Variants in PHTF2 observed in about 807,000 individuals in gnomAD.
The protein encoded by PHTF2 is protein PHTF2.
Under a neutral mutation model 101.2 loss-of-function variants are expected in PHTF2, and 60 were observed. The observed-to-expected ratio is 0.59, with a 90% CI of 0.48 to 0.73. PHTF2 has a LOEUF of 0.73. Among genes scored for constraint, PHTF2 ranks in the 30% least tolerant of loss-of-function variants. PHTF2 has a pLI of 0.00. For synonymous variants in PHTF2, 311 were observed against 307.3 expected (o/e 1.01, Z -0.13); for missense variants, 747 against 908.7 (o/e 0.82, Z 2.29).
intron 3 of PHTF2, among the ~76,000 whole-genome samples, chr7:77,877,951 G>A (rs1017215912): frequency 3.3e-5 from 5 of 152,162 alleles, no homozygotes; most frequent in African/African-American, 1.2e-4. Flanking sequence ...TTGGGGGAAG[G>A]GGATGTGCAG....
At chr7:77,876,954 G>A (rs145982563) in intron 3 of PHTF2, among the ~76,000 whole-genome samples, 1 of 152,120 alleles carries the variant, frequency 6.6e-6, no homozygotes, top group African/African-American at 2.4e-5. Flanking sequence ...AAATTGTGTG[G>A]GTTTGGCTCT....
exon 2 of PHTF2, chr7:77,840,242 T>C: frequency 6.3e-7 from 1 of 1,599,028 alleles, no homozygotes; most frequent in Non-Finnish European, 8.6e-7. Context: ...CAATGTGTGA[T>C]TTCAGTGGAA....
chr7:77,949,957 T>A, intron 17 of PHTF2, 124 bp downstream of exon 16: 1 of 517,804 alleles, frequency 1.9e-6, no homozygotes, highest in Non-Finnish European at 3.3e-6. Flanking sequence ...AAGCAAAATG[T>A]AAAATTTAAT....
At chr7:77,896,316 G>C (rs2150811093) in intron 5 of PHTF2, among the ~76,000 whole-genome samples, 1 of 152,226 alleles carries the variant, frequency 6.6e-6, no homozygotes, top group Non-Finnish European at 1.5e-5. Context: ...CAACACTTTA[G>C]GAGGCCCAGG....
intron 7 of PHTF2, among the ~76,000 whole-genome samples, chr7:77,906,985 C>T (rs940691031): frequency 1.4e-5 from 2 of 147,320 alleles, no homozygotes; most frequent in South Asian, 2.2e-4. Context: ...TATACATTTA[C>T]GGTGTATAAG....
intron 11 of PHTF2, among the ~76,000 whole-genome samples, chr7:77,926,091 G>A (rs1803975640): frequency 6.6e-6 from 1 of 151,730 alleles, no homozygotes; most frequent in Admixed American, 6.6e-5. Context: ...TTACTAATCT[G>A]CATTTGGCAA....
chr7:77,841,182 C>G (rs552330928), intron 2 of PHTF2, among the ~76,000 whole-genome samples: 1 of 141,984 alleles, frequency 7.0e-6, no homozygotes, highest in South Asian at 2.3e-4. Context: ...TGGGTTCAAG[C>G]GATTCTCTTG....
intron 16 of PHTF2, among the ~76,000 whole-genome samples, chr7:77,947,996 G>A (rs1200049135): frequency 2.6e-5 from 4 of 151,380 alleles, no homozygotes; most frequent in South Asian, 4.2e-4. Flanking sequence ...GTGCCACCAC[G>A]CCCGGCTAAT....
At chr7:77,863,836 G>C (rs530723578) in intron 3 of PHTF2, among the ~76,000 whole-genome samples, 4 of 149,766 alleles carry the variant, frequency 2.7e-5, no homozygotes, top group African/African-American at 7.4e-5. Context: ...GCCCAAGCTG[G>C]AGTGCAGTGG....
At chr7:77,940,454 A>G in intron 14 of PHTF2, 74 bp from the exon 14 acceptor site, 2 of 1,359,986 alleles carry the variant, frequency 1.5e-6, no homozygotes, top group Non-Finnish European at 2.0e-6. Flanking sequence ...AAATCTTAAC[A>G]ATTCATATTT....
chr7:77,823,392 T>C (rs1486757227), intron 1 of PHTF2, among the ~76,000 whole-genome samples: 1 of 151,966 alleles, frequency 6.6e-6, no homozygotes, highest in Non-Finnish European at 1.5e-5. Flanking sequence ...AGCTAATTTT[T>C]GTATTTTTAG....
chr7:77,835,704 A>C (rs2150565171), intron 1 of PHTF2, among the ~76,000 whole-genome samples: 1 of 152,340 alleles, frequency 6.6e-6, no homozygotes, highest in African/African-American at 2.4e-5. Context: ...CTAATAGCCT[A>C]CTGTTGACAG....
chr7:77,922,783 A>G lies in PHTF2; in HGVS notation c.1119+5A>G, dbSNP rs1315102056. 6 of 1,571,228 alleles carry G rather than the reference A, an allele frequency of 3.8e-6. No individual in the cohort carries two copies. In the African/African-American group the frequency reaches 4.0e-5, roughly 11 times the overall value. ...AAGAAACATTACCCTAATGAGGTAT[A>G]TACTTTGTCCTTAAGTGTATACATA... On this transcript the variant is annotated splice_donor_5th_base_variant and intron_variant, in intron 11 of 19. Coordinates refer to ENST00000416283, the Ensembl canonical transcript of PHTF2.
intron 13 of PHTF2, 47 bp downstream of exon 12, chr7:77,937,885 A>C (rs1360534140): frequency 1.0e-6 from 1 of 981,186 alleles, no homozygotes; most frequent in East Asian, 3.0e-5. Context: ...AAGACTTAGT[A>C]ATTATATATA....
At chr7:77,799,904 A>G (rs1015619849) in intron 1 of PHTF2, among the ~76,000 whole-genome samples, 1 of 152,210 alleles carries the variant, frequency 6.6e-6, no homozygotes, top group Non-Finnish European at 1.5e-5. Flanking sequence ...TTTCTTTGTT[A>G]ATAGTATATC....
intron 1 of PHTF2, among the ~76,000 whole-genome samples, chr7:77,802,237 A>T (rs867857242): frequency 6.6e-6 from 1 of 152,328 alleles, no homozygotes; most frequent in South Asian, 2.1e-4. Context: ...TGATAATGGT[A>T]TGTAAATGTG....
chr7:77,937,834 A>T, exon 13 of PHTF2: 1 of 1,502,042 alleles, frequency 6.7e-7, no homozygotes, highest in Non-Finnish European at 9.0e-7. Flanking sequence ...ATGATAATGA[A>T]CAGAGTGAGT....
intron 3 of PHTF2, among the ~76,000 whole-genome samples, chr7:77,883,105 T>G (rs1299722462): frequency 2.0e-5 from 3 of 152,246 alleles, no homozygotes; most frequent in South Asian, 2.1e-4. Flanking sequence ...GATTCAGAGA[T>G]ATTTCTAGGT....
intron 18 of PHTF2, 130 bp downstream of exon 17, chr7:77,951,842 T>C: frequency 3.6e-6 from 2 of 558,902 alleles, no homozygotes; most frequent in Non-Finnish European, 6.4e-6. Context: ...ATTATACTTG[T>C]GCACATACAT....
Sources: gnomAD v4.1 joint callset for allele counts (sites outside exome capture counted in the v4.1 genomes callset) on GRCh38, gnomAD v4.1.1 for gene constraint, MANE v1.5 for transcripts, NCBI Gene and HGNC (gene_info 2026-07-23, HGNC 2026-07-21) for gene names.